The following IFFO2 variants were observed in gnomAD, a reference collection of about 807,000 sequenced individuals.
IFFO2 encodes the protein intermediate filament family orphan 2.
In IFFO2, 19 loss-of-function variants were observed where a neutral mutation model predicts 53.5. The ratio of observed to expected loss-of-function variants is 0.36; its 90% CI spans 0.25 to 0.52. IFFO2 has a LOEUF of 0.52. IFFO2 is among the 20% of genes least tolerant of loss of function. IFFO2 has a pLI of 0.94. For missense variants in IFFO2, 570 were observed against 727.4 expected (o/e 0.78, Z 2.49); for synonymous variants, 303 against 313.6 (o/e 0.97, Z 0.36).
chr1:18,913,650 A>G (rs530499616), intron 5 of IFFO2, among the ~76,000 whole-genome samples: 2 of 152,276 alleles, frequency 1.3e-5, no homozygotes, highest in African/African-American at 4.8e-5. Context: ...ACACTTCATC[A>G]GATCTGGCCA....
At position 18,930,572 on chromosome 1, in the gene IFFO2, A is replaced by C. The variant is rs532595967; in HGVS notation, c.666-9451T>G. Among the ~76,000 whole-genome samples the C allele has an allele frequency of 1.9e-4, 29 of 152,358 alleles. No homozygotes were observed. The East Asian group carries it at 2.5e-3, about 13-fold the overall frequency. On this transcript the variant is annotated intron_variant, in intron 1 of 8. Coordinates refer to ENST00000455833, the MANE Select transcript of IFFO2 (RefSeq NM_001136265.2). ...ACCCCATAGACATACCCCAGGAACTAATGGGCATGCCCAGCCCTTTGAGGT... is the reference window on the plus strand; with the variant it reads ...ACCCCATAGACATACCCCAGGAACTCATGGGCATGCCCAGCCCTTTGAGGT...
rs114056866 is a variant in IFFO2, at chr1:18,914,971, G to A, written c.1103+1932C>T. Among the ~76,000 whole-genome samples, 227 of 152,278 alleles carry A rather than the reference G, an allele frequency of 1.5e-3. 1 individual carries two copies. Among genetic ancestry groups the A allele is most frequent in the African/African-American group, 5.1e-3 (212 of 41,550 alleles). ...AAAATACAGCTCCGATCCCAGTTCT[G>A]TTTCAAGGGAATGGCAGGTCCAGGA... On this transcript the variant is annotated intron_variant, in intron 5 of 8. Transcript: ENST00000455833.
intron 5 of IFFO2, among the ~76,000 whole-genome samples, chr1:18,915,385 G>GCA (rs1936116678): frequency 2.7e-4 from 4 of 14,554 alleles, no homozygotes; most frequent in Non-Finnish European, 5.4e-4. Context: ...CTGATTGGTA[G>GCA]CTCTGATTTC....
intron 1 of IFFO2, among the ~76,000 whole-genome samples, chr1:18,925,898 ATGGATTGGT>A (rs1936281889): frequency 2.0e-3 from 33 of 16,522 alleles, no homozygotes; most frequent in African/African-American, 2.8e-3. Context: ...GATGGATTGG[ATGGATTGGT>A]TGGATGGATG....
chr1:18,939,009 C>A (rs1284250257), intron 1 of IFFO2, among the ~76,000 whole-genome samples: 16 of 152,210 alleles, frequency 1.1e-4, no homozygotes, highest in Admixed American at 1.0e-3. Context: ...GAGCTAGTGT[C>A]CCCCTGGCAA....
At chr1:18,934,054 T>C (rs953881555) in intron 1 of IFFO2, among the ~76,000 whole-genome samples, 5 of 131,400 alleles carry the variant, frequency 3.8e-5, no homozygotes, top group African/African-American at 1.3e-4. Context: ...ATTTCTCTTA[T>C]TTCTTTTTTT....
At chr1:18,926,558 A>C (rs1936300260) in intron 1 of IFFO2, among the ~76,000 whole-genome samples, 1 of 152,162 alleles carries the variant, frequency 6.6e-6, no homozygotes, top group South Asian at 2.1e-4. Flanking sequence ...GGTGGCCAGG[A>C]GGGAGAGGTG....
chr1:18,933,039 A>G (rs1316514218), intron 1 of IFFO2, among the ~76,000 whole-genome samples: 2 of 152,236 alleles, frequency 1.3e-5, no homozygotes, highest in East Asian at 3.8e-4. Flanking sequence ...CCCCCAGGAC[A>G]GAATCAACAA....
At chr1:18,933,144 C>T (rs77519392) in intron 1 of IFFO2, among the ~76,000 whole-genome samples, 9 of 152,218 alleles carry the variant, frequency 5.9e-5, no homozygotes, top group Non-Finnish European at 1.2e-4. Context: ...AGGCGAGTTC[C>T]GGAGCTCTCG....
intron 1 of IFFO2, among the ~76,000 whole-genome samples, chr1:18,940,562 CGGATGGATGGATGGAT>C (rs142740984): frequency 1.5e-4 from 22 of 148,420 alleles, no homozygotes; most frequent in East Asian, 8.1e-4. Flanking sequence ...GATGGACAAA[CGGATGGATGGATGGAT>C]GGATGGATGG....
At chr1:18,921,378 G>C (rs1042289740) in intron 1 of IFFO2, among the ~76,000 whole-genome samples, 7 of 152,204 alleles carry the variant, frequency 4.6e-5, no homozygotes, top group Middle Eastern at 3.2e-3. Context: ...CCAGCACTTC[G>C]TGAAGACAGA....
chr1:18,956,642 C>G lies in IFFO2; in HGVS notation c.-310G>C, dbSNP rs1020730580. 1.3e-5 allele frequency: 2 copies of G among 152,594 alleles called. No homozygotes were observed. Among genetic ancestry groups the G allele is most frequent in the African/African-American group, 2.4e-5 (1 of 41,426 alleles). The allele number at this position is 152,594 out of a possible 1,614,324, so 9.5% of individuals were successfully genotyped here. A position where few individuals can be genotyped will look rare whatever the true frequency, so the allele number is the denominator to read the frequency against. ...TGTCAGAGACGCTGTGGAGGGGCCG[C>G]GGCAGCCGCACGCAGAGGACTCTCG... On this transcript the variant is annotated 5_prime_UTR_variant, in exon 1 of 9. Coordinates refer to ENST00000455833, the MANE Select transcript of IFFO2 (RefSeq NM_001136265.2). The surrounding 1 kb of genome is among the most constrained non-coding windows in gnomAD (Gnocchi z 6.4).
intron 7 of IFFO2, among the ~76,000 whole-genome samples, 185 bp downstream of exon 7, chr1:18,911,199 A>G (rs1461567054): frequency 6.6e-6 from 1 of 152,216 alleles, no homozygotes; most frequent in Non-Finnish European, 1.5e-5. Flanking sequence ...CCCCCATTTG[A>G]CAGATTAGGA....
In IFFO2 at chr1:18,918,357, G is replaced by A. The variant is rs1936166498; in HGVS notation, c.963+5C>T. 6.4e-7 allele frequency: 1 copy of A among 1,550,740 alleles called. No individual in the cohort carries two copies. Among genetic ancestry groups the A allele is most frequent in the Admixed American group, 2.0e-5 (1 of 50,982 alleles). ...TTGGCTGGTGAGCAGGGCAGCCCTAGTCACCTGGAAGATCTTGGACACGTC... is the reference window on the plus strand; with the variant it reads ...TTGGCTGGTGAGCAGGGCAGCCCTAATCACCTGGAAGATCTTGGACACGTC... On this transcript the variant is annotated splice_donor_5th_base_variant and intron_variant, in intron 4 of 8. Transcript: ENST00000455833. This position sits in a 1 kb window ranked among gnomAD's most constrained non-coding sequence, Gnocchi z 5.2.
intron 5 of IFFO2, among the ~76,000 whole-genome samples, chr1:18,915,907 T>C (rs1936126679): frequency 6.6e-6 from 1 of 151,978 alleles, no homozygotes; most frequent in Non-Finnish European, 1.5e-5. Flanking sequence ...GGCAGATCAC[T>C]GGAGGTCAGG....
At chr1:18,915,541 A>G (rs139085996) in intron 5 of IFFO2, among the ~76,000 whole-genome samples, 1 of 152,076 alleles carries the variant, frequency 6.6e-6, no homozygotes, top group African/African-American at 2.4e-5. Flanking sequence ...AGTGTTTCCT[A>G]CTGACAGCGT....
At chr1:18,911,067 A>G (rs1158177309) in intron 7 of IFFO2, among the ~76,000 whole-genome samples, 1 of 152,248 alleles carries the variant, frequency 6.6e-6, no homozygotes, top group Non-Finnish European at 1.5e-5. Flanking sequence ...AGGTAAGGAT[A>G]CCGGGCATAC....
intron 1 of IFFO2, among the ~76,000 whole-genome samples, chr1:18,933,828 G>A (rs1422218928): frequency 6.6e-6 from 1 of 152,076 alleles, no homozygotes; most frequent in Non-Finnish European, 1.5e-5. Flanking sequence ...GTGGCATTAA[G>A]TGCATTCACA....
chr1:18,913,717 CCAGGGCCCCGCCTGGGGTGGGGT>C (rs1160015731), intron 5 of IFFO2, among the ~76,000 whole-genome samples: 1 of 152,202 alleles, frequency 6.6e-6, no homozygotes, highest in Non-Finnish European at 1.5e-5. Context: ...TGGGAAAGGC[CCAGGGCCCCGCCTGGGGTGGGGT>C]CAGGGCGGCC....
Sources: gnomAD v4.1 joint callset for allele counts (sites outside exome capture counted in the v4.1 genomes callset) on GRCh38, gnomAD v4.1.1 for gene constraint, Gnocchi (gnomAD v3.1) non-coding constraint, MANE v1.5 for transcripts, NCBI Gene and HGNC (gene_info 2026-07-23, HGNC 2026-07-21) for gene names.